KDM5A: variants seen among roughly 807,000 people sequenced by gnomAD.
The protein encoded by KDM5A is lysine-specific demethylase 5A.
KDM5A carries 42 observed loss-of-function variants against 193.5 expected under a neutral mutation model. The ratio of observed to expected loss-of-function variants is 0.22; its 90% confidence interval spans 0.17 to 0.28. The LOEUF (loss-of-function observed/expected upper bound fraction) is 0.28, where lower values mean the gene tolerates loss of function less well. Among genes scored for constraint, KDM5A ranks in the 10% least tolerant of loss-of-function variants. The pLI, the probability that KDM5A is intolerant of heterozygous loss-of-function variation, is 1.00. For synonymous variants in KDM5A, 796 were observed against 718.1 expected, an observed-to-expected ratio of 1.11 and a Z score of -1.73; for missense variants, 1,692 against 2,055.1, an observed-to-expected ratio of 0.82 and a Z score of 3.42.
At chr12:381,815 T>C (rs1273494630) in intron 3 of KDM5A, among the ~76,000 whole-genome samples, 2 of 73,276 alleles carry the variant, frequency 2.7e-5, no homozygotes, top group Non-Finnish European at 6.7e-5. Context: ...ATGGTTACTC[T>C]GTTTTTTTGG....
At chr12:381,389 G>A (rs1028694827) in intron 3 of KDM5A, among the ~76,000 whole-genome samples, 1 of 152,134 alleles carries the variant, frequency 6.6e-6, no homozygotes, top group Non-Finnish European at 1.5e-5. Context: ...TGGGATTACA[G>A]GCATGAGCCA....
At chr12:328,035 AGAAG>A (rs1292768931) in intron 14 of KDM5A, among the ~76,000 whole-genome samples, 4 of 152,194 alleles carry the variant, frequency 2.6e-5, no homozygotes, top group African/African-American at 9.7e-5. Flanking sequence ...GTACAGAGCA[AGAAG>A]GAAGGACCAT....
At chr12:361,395 C>T (rs547935839) in intron 5 of KDM5A, among the ~76,000 whole-genome samples, 19 of 152,218 alleles carry the variant, frequency 1.2e-4, no homozygotes, top group African/African-American at 3.9e-4. Context: ...GGGATTTCAC[C>T]GTGTTAGCCA....
At position 388,886 on chromosome 12, in the gene KDM5A, C is replaced by T. The variant is rs769101909; in HGVS notation, c.165+41G>A. ...GCTAAACCCAGTGTACGGACTCCCC[C>T]ATTCTTCCTTCTCCCCCTCTCTCTT... On this transcript the variant is annotated intron_variant, in intron 1 of 27. Coordinates refer to ENST00000399788, the MANE Select transcript of KDM5A (RefSeq NM_001042603.3). The T allele has an allele frequency of 6.9e-6, 11 of 1,605,680 alleles. No individual in the cohort carries two copies. In the South Asian group the frequency reaches 9.9e-5, roughly 14 times the overall value.
intron 19 of KDM5A, among the ~76,000 whole-genome samples, chr12:317,313 C>G (rs1047840660): frequency 3.3e-5 from 5 of 152,170 alleles, no homozygotes; most frequent in Non-Finnish European, 7.3e-5. Flanking sequence ...TTCAATCCTA[C>G]TCATTCCTCA....
chr12:292,012 C>T (rs1943301145), intron 27 of KDM5A, among the ~76,000 whole-genome samples: 4 of 151,912 alleles, frequency 2.6e-5, no homozygotes, highest in Admixed American at 6.6e-5. Context: ...AAGCGATTCC[C>T]CTGCCACAAC....
chr12:370,906 G>C (rs767825345), intron 3 of KDM5A, among the ~76,000 whole-genome samples: 4 of 152,114 alleles, frequency 2.6e-5, no homozygotes, highest in Non-Finnish European at 4.4e-5. Context: ...GAGAATGATG[G>C]TTTCCAGCTT....
chr12:308,013 A>G lies in KDM5A; in HGVS notation c.3379-8T>C. 1 of 1,613,528 alleles carries G rather than the reference A, an allele frequency of 6.2e-7. No homozygotes were observed. Among genetic ancestry groups the G allele is most frequent in the Non-Finnish European group, 8.5e-7 (1 of 1,179,798 alleles). Reference sequence around the variant, plus strand: ...TTCTTTGAAAACTGCCACCTGTACAAGACAAACATTTAATTGAAAAGAGTC... The same window carrying G: ...TTCTTTGAAAACTGCCACCTGTACAGGACAAACATTTAATTGAAAAGAGTC... On this transcript the variant is annotated splice_region_variant and splice_polypyrimidine_tract_variant and intron_variant, in intron 22 of 27. Coordinates refer to ENST00000399788, the MANE Select transcript of KDM5A (RefSeq NM_001042603.3).
intron 3 of KDM5A, among the ~76,000 whole-genome samples, chr12:374,182 G>A (rs1282263183): frequency 1.3e-5 from 2 of 152,280 alleles, no homozygotes; most frequent in Admixed American, 6.5e-5. Context: ...ACAGTAGGGT[G>A]TTAAAGTCTC....
intron 2 of KDM5A, 75 bp downstream of exon 2, chr12:385,822 C>T (rs1477532422): frequency 1.6e-5 from 17 of 1,085,898 alleles, no homozygotes; most frequent in African/African-American, 3.1e-5. Flanking sequence ...GGTACATGAG[C>T]TTCTCAAAGT....
chr12:287,898 A>T (rs1943240191), intron 27 of KDM5A, among the ~76,000 whole-genome samples: 2 of 152,198 alleles, frequency 1.3e-5, no homozygotes, highest in Non-Finnish European at 2.9e-5. Flanking sequence ...ATTTCCCAAA[A>T]TTCTCTTACA....
At position 285,537 on chromosome 12, in the gene KDM5A, T is replaced by G. The variant is rs1188101686; in HGVS notation, c.4992A>C (p.Pro1664=). 56 of 1,613,966 alleles carry G rather than the reference T, an allele frequency of 3.5e-5. 2 individuals carry two copies. The Admixed American group carries it at 9.3e-4, about 27-fold the overall frequency. The part of the protein sequence containing the change: ...ICINCAKKQG[P]VSPGPAPPPS... ...GAGGTGGTGCTGGACCTGGGCTAAC[T>G]GGCCCCTGCTTCTTTGCACAGTTTA... is the stretch of plus-strand genomic sequence containing the variant. The change falls in exon 28 of 28, where the codon CCA becomes CCC. Residue 1664 remains proline, a synonymous_variant. Coordinates refer to ENST00000399788, the MANE Select transcript of KDM5A (RefSeq NM_001042603.3).
chr12:327,100 A>G (rs1034466625), intron 14 of KDM5A, among the ~76,000 whole-genome samples: 2 of 152,190 alleles, frequency 1.3e-5, no homozygotes, highest in African/African-American at 4.8e-5. Flanking sequence ...ATGCAAAGAA[A>G]GGGCAGGGAT....
chr12:314,195 A>T (rs1291428099), intron 19 of KDM5A, among the ~76,000 whole-genome samples: 2 of 151,304 alleles, frequency 1.3e-5, no homozygotes, highest in Non-Finnish European at 2.9e-5. Flanking sequence ...TCCTTGCCTC[A>T]TGAAACCTTT....
chr12:297,864 G>C (rs548910256), intron 24 of KDM5A, among the ~76,000 whole-genome samples: 5 of 152,162 alleles, frequency 3.3e-5, no homozygotes, highest in Non-Finnish European at 7.3e-5. Context: ...ATTGGACTGA[G>C]AGAAAAAGCA....
intron 24 of KDM5A, among the ~76,000 whole-genome samples, chr12:299,454 G>C (rs374440145): frequency 6.6e-6 from 1 of 152,106 alleles, no homozygotes; most frequent in Non-Finnish European, 1.5e-5. Flanking sequence ...ACTAAGCTTC[G>C]TAAGTGAAGG....
chr12:356,881 G>C (rs1333137963), intron 5 of KDM5A, among the ~76,000 whole-genome samples: 2 of 152,188 alleles, frequency 1.3e-5, no homozygotes, highest in Non-Finnish European at 2.9e-5. Flanking sequence ...CTCAGGACAT[G>C]AACTGTGACT....
chr12:310,886 T>C lies in KDM5A; in HGVS notation c.3215A>G (p.Gln1072Arg). The C allele has an allele frequency of 6.2e-7, 1 of 1,614,162 alleles. No individual in the cohort carries two copies. The highest frequency in any genetic ancestry group is 8.5e-7 in the Non-Finnish European group (1 of 1,179,968). ...ATGAGAGTGTTGAAGTTCAAGTACC[T>C]GTAACAATGTATGGCTAGAATTCTT... is the stretch of plus-strand genomic sequence containing the variant. ...LKKNSSHTLL[Q>R]VLSPRTDIGV... Residue 1072 changes from glutamine (Q) to arginine (R), a missense_variant and splice_region_variant, in exon 21 of 28, where the codon CAG (glutamine) becomes CGG (arginine). Physicochemically the swap from Gln to Arg is conservative, Grantham distance 43. This residue lies in a region of KDM5A where 965 missense variants were observed against 1,061.0 expected (regional missense o/e 0.91). Coordinates refer to ENST00000399788, the MANE Select transcript of KDM5A (RefSeq NM_001042603.3).
At chr12:301,702 T>G (rs1943442914) in intron 24 of KDM5A, among the ~76,000 whole-genome samples, 1 of 152,088 alleles carries the variant, frequency 6.6e-6, no homozygotes, top group Non-Finnish European at 1.5e-5. Context: ...GAGAAAGAAA[T>G]AAAGGGTATT....
Sources: gnomAD v4.1 joint callset for allele counts (sites outside exome capture counted in the v4.1 genomes callset) on GRCh38, gnomAD v4.1.1 for gene constraint, gnomAD v4.1.1 regional missense constraint, MANE v1.5 for transcripts, NCBI Gene and HGNC (gene_info 2026-07-23, HGNC 2026-07-21) for gene names.